The following ATP8A2 variants were observed in gnomAD, a reference collection of about 807,000 sequenced individuals.
The protein encoded by ATP8A2 is phospholipid-transporting ATPase IB.
ATP8A2 carries 100 observed loss-of-function variants against 165.6 expected under a neutral mutation model. The ratio of observed to expected loss-of-function variants is 0.60; its 90% confidence interval spans 0.51 to 0.71. The LOEUF is 0.71. ATP8A2 is among the 30% of genes least tolerant of loss of function. The pLI, the probability that ATP8A2 is intolerant of heterozygous loss-of-function variation, is 0.00. For missense variants in ATP8A2, 1,227 were observed against 1,479.5 expected, an observed-to-expected ratio of 0.83 and a Z score of 2.80; for synonymous variants, 543 against 548.8, an observed-to-expected ratio of 0.99 and a Z score of 0.15.
intron 27 of ATP8A2, among the ~76,000 whole-genome samples, chr13:25,787,089 C>T (rs1488807536): frequency 6.6e-6 from 1 of 152,174 alleles, no homozygotes; most frequent in African/African-American, 2.4e-5. Context: ...AGCCATAGTA[C>T]TATGACTCTT....
chr13:25,921,847 A>G (rs911262901), intron 33 of ATP8A2, among the ~76,000 whole-genome samples: 1 of 152,218 alleles, frequency 6.6e-6, no homozygotes, highest in African/African-American at 2.4e-5. Flanking sequence ...TGAAAAGTAT[A>G]TTGAAATATT....
At chr13:25,800,414 A>G (rs1950597575) in intron 27 of ATP8A2, among the ~76,000 whole-genome samples, 3 of 152,176 alleles carry the variant, frequency 2.0e-5, no homozygotes, top group Non-Finnish European at 1.5e-5. Context: ...CAACCAAAAG[A>G]TGCTCACGCC....
chr13:26,002,394 A>G (rs1161235021), intron 35 of ATP8A2, among the ~76,000 whole-genome samples: 2 of 151,652 alleles, frequency 1.3e-5, no homozygotes, highest in Non-Finnish European at 2.9e-5. Context: ...GTGGGGGAAC[A>G]TCACACACCA....
At position 25,790,931 on chromosome 13, in the gene ATP8A2, T is replaced by C. The variant is rs1376546312; in HGVS notation, c.2679+15972T>C. ...AAAAGGAATGCTTATACACTGTTGGTGGGAGTGTAATTAGTTCAACCATTG... is the reference window on the plus strand; with the variant it reads ...AAAAGGAATGCTTATACACTGTTGGCGGGAGTGTAATTAGTTCAACCATTG... On this transcript the variant is annotated intron_variant, in intron 27 of 36. Transcript: ENST00000381655. 2.0e-5 allele frequency among the ~76,000 whole-genome samples: 3 copies of C among 152,124 alleles called. No individual in the cohort carries two copies. In the East Asian group the frequency reaches 5.8e-4, roughly 29 times the overall value.
intron 25 of ATP8A2, among the ~76,000 whole-genome samples, chr13:25,709,070 G>A (rs3132336): frequency 0.044 from 6,748 of 152,228 alleles, 262 homozygotes; most frequent in East Asian, 0.12. Flanking sequence ...CTGAATTGTC[G>A]CCAGTGGTTT....
chr13:25,974,428 A>G (rs998185939), intron 35 of ATP8A2, among the ~76,000 whole-genome samples: 1 of 151,950 alleles, frequency 6.6e-6, no homozygotes, highest in Non-Finnish European at 1.5e-5. Flanking sequence ...TCCCAGGGAC[A>G]TGGGAGTGGT....
chr13:25,630,967 G>A (rs543362831), intron 24 of ATP8A2, among the ~76,000 whole-genome samples: 4 of 152,222 alleles, frequency 2.6e-5, no homozygotes, highest in African/African-American at 9.6e-5. Flanking sequence ...TGTGCTGGAG[G>A]CCATAGGTTT....
intron 33 of ATP8A2, among the ~76,000 whole-genome samples, chr13:25,910,818 T>A (rs1334692477): frequency 6.6e-6 from 1 of 152,162 alleles, no homozygotes; most frequent in Non-Finnish European, 1.5e-5. Context: ...ATCTGAACTG[T>A]CTGCTGTATG....
intron 2 of ATP8A2, among the ~76,000 whole-genome samples, chr13:25,527,334 G>T (rs574167752): frequency 1.3e-5 from 2 of 152,134 alleles, no homozygotes; most frequent in Non-Finnish European, 2.9e-5. Flanking sequence ...CTGGGAACTT[G>T]TTAGAAATGT....
chr13:25,656,649 A>G (rs1430210946), intron 24 of ATP8A2, among the ~76,000 whole-genome samples: 2 of 147,422 alleles, frequency 1.4e-5, no homozygotes, highest in Admixed American at 1.4e-4. Flanking sequence ...ATTAACATAC[A>G]TTTTCTGGCT....
chr13:25,438,235 G>A (rs796672332), intron 1 of ATP8A2, among the ~76,000 whole-genome samples: 15 of 152,182 alleles, frequency 9.9e-5, no homozygotes, highest in African/African-American at 3.1e-4. Context: ...TCTAAAAACC[G>A]CCTTCTCTTA....
intron 27 of ATP8A2, among the ~76,000 whole-genome samples, chr13:25,799,801 G>A (rs1464123657): frequency 6.6e-6 from 1 of 152,310 alleles, no homozygotes. Context: ...TAAAGCAGGG[G>A]GATGTGATTG....
intron 33 of ATP8A2, among the ~76,000 whole-genome samples, chr13:25,908,555 T>A (rs1327626119): frequency 2.6e-5 from 4 of 152,250 alleles, no homozygotes; most frequent in Non-Finnish European, 4.4e-5. Context: ...ACAGCTGTTC[T>A]GTTTTAAGGC....
intron 8 of ATP8A2, among the ~76,000 whole-genome samples, chr13:25,540,924 C>A (rs529457425): frequency 6.6e-6 from 1 of 150,560 alleles, no homozygotes; most frequent in African/African-American, 2.4e-5. Context: ...TGCAGTGATG[C>A]GACCTCGGCT....
At chr13:25,965,329 G>A (rs1955753617) in intron 34 of ATP8A2, among the ~76,000 whole-genome samples, 1 of 152,160 alleles carries the variant, frequency 6.6e-6, no homozygotes, top group African/African-American at 2.4e-5. Flanking sequence ...TAAGAAAAGA[G>A]AACCAGAATG....
At position 25,640,798 on chromosome 13, in the gene ATP8A2, C is replaced by CA. The variant is rs1173990155; in HGVS notation, c.2211+51106dup. On this transcript the variant is annotated intron_variant, in intron 24 of 36. Transcript: ENST00000381655. Reference sequence around the variant, plus strand: ...ATACCAAAGCCTGGCAGAGACACAACAAAAAAAGAGAATTTTAGACCAATA... The same window carrying CA: ...ATACCAAAGCCTGGCAGAGACACAACAAAAAAAAGAGAATTTTAGACCAATA... Among the ~76,000 whole-genome samples, 6 of 152,030 alleles carry CA rather than the reference C, an allele frequency of 3.9e-5. No individual in the cohort carries two copies. The East Asian group carries it at 1.2e-3, about 29-fold the overall frequency.
At chr13:25,601,216 T>C (rs1275605297) in intron 24 of ATP8A2, among the ~76,000 whole-genome samples, 1 of 152,208 alleles carries the variant, frequency 6.6e-6, no homozygotes, top group Non-Finnish European at 1.5e-5. Flanking sequence ...ATTCTCATAG[T>C]AAGTCGTAGT....
At chr13:25,618,804 T>C (rs116137658) in intron 24 of ATP8A2, among the ~76,000 whole-genome samples, 38 of 151,822 alleles carry the variant, frequency 2.5e-4, no homozygotes, top group African/African-American at 8.0e-4. Flanking sequence ...TCACATAGAA[T>C]AGCATAGTCC....
chr13:25,804,305 T>C (rs987326027), intron 27 of ATP8A2, among the ~76,000 whole-genome samples: 1 of 152,134 alleles, frequency 6.6e-6, no homozygotes, highest in Non-Finnish European at 1.5e-5. Flanking sequence ...GTATTAAAAG[T>C]GTAAAGATAG....
Sources: gnomAD v4.1 joint callset for allele counts (sites outside exome capture counted in the v4.1 genomes callset) on GRCh38, gnomAD v4.1.1 for gene constraint, MANE v1.5 for transcripts, NCBI Gene and HGNC (gene_info 2026-07-23, HGNC 2026-07-21) for gene names.